UGDH: variants seen among roughly 807,000 people sequenced by gnomAD.
UGDH encodes the protein UDP-Glc dehydrogenase.
UGDH carries 38 observed loss-of-function variants against 50.6 expected under a neutral mutation model. That is an observed-to-expected ratio of 0.75 (90% CI 0.58 to 0.98). The LOEUF is 0.98. Among genes scored for constraint, UGDH ranks in the 50% least tolerant of loss-of-function variants. UGDH has a pLI of 0.00. For synonymous variants in UGDH, 168 were observed against 199.9 expected (o/e 0.84, Z 1.35); for missense variants, 465 against 606.2 (o/e 0.77, Z 2.45).
rs542618413 is a variant in UGDH, at chr4:39,504,031, G to C, written c.1264-46C>G. 26 of 1,526,904 alleles carry C rather than the reference G, an allele frequency of 1.7e-5. 1 individual carries two copies. The highest frequency in any genetic ancestry group is 1.2e-4 in the East Asian group (5 of 43,242). 94.6% of individuals were successfully genotyped at this position (1,526,904 alleles called of 1,614,324 possible). On this transcript the variant is annotated intron_variant, in intron 10 of 11. Transcript: ENST00000316423. The stretch of plus-strand genomic sequence containing the variant: ...AACAATTAAAACACATACGTGGGCC[G>C]GGCGGAGTGGCTCATGCCTGTAATC...
At chr4:39,516,364 T>C (rs1193106236) in intron 2 of UGDH, among the ~76,000 whole-genome samples, 1 of 152,140 alleles carries the variant, frequency 6.6e-6, no homozygotes, top group Non-Finnish European at 1.5e-5. Flanking sequence ...ATGGTGGTAG[T>C]TGGGAAGGAG....
intron 7 of UGDH, 88 bp from the exon 8 acceptor site, chr4:39,505,836 A>G: frequency 7.4e-7 from 1 of 1,345,754 alleles, no homozygotes; most frequent in Non-Finnish European, 9.9e-7. Flanking sequence ...GGTGAGTGCT[A>G]TTGTACAAAT....
chr4:39,510,234 T>C (rs1183303035), intron 5 of UGDH, 119 bp downstream of exon 5: 1 of 1,018,856 alleles, frequency 9.8e-7, no homozygotes, highest in Admixed American at 2.4e-5. Flanking sequence ...TGCAAGAATA[T>C]GATCTTCAAA....
At chr4:39,517,924 T>TTTTG (rs143146546) in intron 2 of UGDH, among the ~76,000 whole-genome samples, 2 of 152,068 alleles carry the variant, frequency 1.3e-5, no homozygotes, top group South Asian at 4.2e-4. Context: ...TAGCCATTCT[T>TTTTG]TTTGTTTGTT....
intron 7 of UGDH, among the ~76,000 whole-genome samples, chr4:39,506,528 G>C (rs1746034736): frequency 1.3e-5 from 2 of 152,114 alleles, no homozygotes; most frequent in Non-Finnish European, 1.5e-5. Context: ...AAAGTGGACA[G>C]GCAACAAACA....
intron 5 of UGDH, 72 bp downstream of exon 5, chr4:39,510,281 G>A (rs1746188727): frequency 2.1e-6 from 3 of 1,455,822 alleles, no homozygotes; most frequent in Admixed American, 3.5e-5. Flanking sequence ...AAGTATCTGT[G>A]TAGTTTATCA....
chr4:39,509,189 A>C (rs1746137118), intron 6 of UGDH, among the ~76,000 whole-genome samples: 1 of 150,788 alleles, frequency 6.6e-6, no homozygotes, highest in African/African-American at 2.4e-5. Context: ...CATGCTGCCC[A>C]GGCTGGTCTC....
intron 2 of UGDH, among the ~76,000 whole-genome samples, chr4:39,517,810 C>T (rs1746493450): frequency 6.6e-6 from 1 of 152,198 alleles, no homozygotes; most frequent in Non-Finnish European, 1.5e-5. Flanking sequence ...TGTCTGGCAA[C>T]ACTACTTTTG....
chr4:39,509,838 C>T lies in UGDH; in HGVS notation c.733G>A (p.Gly245Arg). Residue 245 changes from glycine to arginine, a missense_variant, in exon 6 of 12, where the codon GGA becomes AGA. Gly to Arg is a moderately radical substitution (Grantham distance 125, BLOSUM62 -2). Transcript: ENST00000316423. Reference sequence around the variant, plus strand: ...GTTGCTACCTCTTCTACATCAGCTCCTGTTGCTTCACACAGAGCACTTATG... The same window carrying T: ...GTTGCTACCTCTTCTACATCAGCTCTTGTTGCTTCACACAGAGCACTTATG... ...NSISALCEATGADVEEVATAI... is the reference protein window; with the variant it reads ...NSISALCEATRADVEEVATAI... 6.2e-7 allele frequency: 1 copy of T among 1,613,314 alleles called. No homozygotes were observed. The highest frequency in any genetic ancestry group is 8.5e-7 in the Non-Finnish European group (1 of 1,179,940).
intron 1 of UGDH, among the ~76,000 whole-genome samples, chr4:39,522,590 T>C (rs1165802787): frequency 6.6e-6 from 1 of 152,170 alleles, no homozygotes; most frequent in Non-Finnish European, 1.5e-5. Flanking sequence ...TAAACAATAT[T>C]CTAAATTTTC....
In UGDH at chr4:39,509,769, C is replaced by G; in HGVS notation, c.802G>C (p.Ala268Pro). 1 of 1,601,416 alleles carries G rather than the reference C, an allele frequency of 6.2e-7. No individual in the cohort carries two copies. The highest frequency in any genetic ancestry group is 1.1e-5 in the South Asian group (1 of 87,556). Residue 268 changes from alanine to proline, a missense_variant, in exon 6 of 12, where the codon GCC becomes CCC. By Grantham distance (27) the Ala-to-Pro change is conservative. Coordinates refer to ENST00000316423, the MANE Select transcript of UGDH (RefSeq NM_003359.4). ...DQRIGNKFLK[A>P]SVGFGGSCFQ... Reference sequence around the variant, plus strand: ...AAAAATTTGAATTTACCAACACTGGCTTTTAGAAACTTGTTTCCAATTCTC... The same window carrying G: ...AAAAATTTGAATTTACCAACACTGGGTTTTAGAAACTTGTTTCCAATTCTC...
intron 1 of UGDH, among the ~76,000 whole-genome samples, chr4:39,524,615 A>G (rs1181146421): frequency 6.6e-6 from 1 of 150,966 alleles, no homozygotes. Flanking sequence ...TGAGTCTCCC[A>G]CCTAGCCTCC....
intron 2 of UGDH, among the ~76,000 whole-genome samples, chr4:39,516,972 C>T (rs922415162): frequency 1.2e-4 from 18 of 152,090 alleles, no homozygotes; most frequent in African/African-American, 4.1e-4. Flanking sequence ...TGAAGACTTA[C>T]ATAATTATAT....
intron 7 of UGDH, among the ~76,000 whole-genome samples, chr4:39,507,747 A>G (rs1366767891): frequency 6.6e-6 from 1 of 152,182 alleles, no homozygotes; most frequent in Non-Finnish European, 1.5e-5. Context: ...CAGGAGTTTC[A>G]GACCAGCCTG....
At position 39,499,312 on chromosome 4, in the gene UGDH, T is replaced by C. The variant is rs1305872961; in HGVS notation, c.*831A>G. 1.3e-5 allele frequency: 2 copies of C among 152,098 alleles called. No homozygotes were observed. Among genetic ancestry groups the C allele is most frequent in the East Asian group, 3.9e-4 (2 of 5,190 alleles). The allele number at this position is 152,098 out of a possible 1,614,324, so 9.4% of individuals were successfully genotyped here. On this transcript the variant is annotated 3_prime_UTR_variant, in exon 12 of 12. Transcript: ENST00000316423. Reference sequence around the variant, plus strand: ...ATTTGGGGTGACTGGAAATTAACAGTGATGATTTTGAGCTAAAAAATCAGT... The same window carrying C: ...ATTTGGGGTGACTGGAAATTAACAGCGATGATTTTGAGCTAAAAAATCAGT...
Position 39,500,073 on chromosome 4 carries a change from G to T in UGDH, c.*70C>A. 4 of 857,046 alleles carry T rather than the reference G, an allele frequency of 4.7e-6. No individual in the cohort carries two copies. The highest frequency in any genetic ancestry group is 7.2e-6 in the Non-Finnish European group (4 of 552,594). The allele number at this position is 857,046 out of a possible 1,614,324, so 53.1% of individuals were successfully genotyped here. On this transcript the variant is annotated 3_prime_UTR_variant, in exon 12 of 12. Transcript: ENST00000316423. ...CACTTGGTTCATTTACCATTTAATA[G>T]CAGATAGATATTTGCTATCCTGAAG...
At chr4:39,509,985 G>A (rs867464206) in intron 5 of UGDH, 78 bp from the exon 6 acceptor site, 34 of 1,453,600 alleles carry the variant, frequency 2.3e-5, no homozygotes, top group South Asian at 1.2e-4. Flanking sequence ...ATTTCATTGC[G>A]TTGACGCAAA....
At chr4:39,521,250 C>T (rs112838191) in intron 2 of UGDH, 101 bp downstream of exon 2, 19,432 of 1,177,360 alleles carry the variant, frequency 0.017, 312 homozygotes, top group African/African-American at 0.066. Flanking sequence ...AATTTCTTAC[C>T]AGTTGCTGTT....
chr4:39,505,263 T>G lies in UGDH; in HGVS notation c.1145A>C (p.His382Pro). 3 of 1,600,094 alleles carry G rather than the reference T, an allele frequency of 1.9e-6. No individual in the cohort carries two copies. Among genetic ancestry groups the G allele is most frequent in the Non-Finnish European group, 1.7e-6 (2 of 1,175,830 alleles). ...PREQIVVDLS[H>P]PGVSEDDQVS... ...TTGGTCATCCTCTGAAACACCTGGATGAGAAAGATCCACAACTATTTGTTC... is the reference window on the plus strand; with the variant it reads ...TTGGTCATCCTCTGAAACACCTGGAGGAGAAAGATCCACAACTATTTGTTC... The change falls in exon 9 of 12, where the codon CAT (histidine) becomes CCT (proline). Residue 382 changes from histidine (H) to proline (P), a missense_variant. By Grantham distance (77) the His-to-Pro change is moderately conservative (BLOSUM62 -2). Coordinates refer to ENST00000316423, the MANE Select transcript of UGDH (RefSeq NM_003359.4).
Sources: allele counts gnomAD v4.1 joint callset (sites outside exome capture counted in the v4.1 genomes callset), GRCh38; gene constraint gnomAD v4.1.1; transcripts MANE v1.5; gene names NCBI Gene and HGNC (gene_info 2026-07-23, HGNC 2026-07-21).